ECT2L: variants seen among roughly 807,000 people sequenced by gnomAD.
The protein encoded by ECT2L is epithelial cell-transforming sequence 2 oncogene-like.
A neutral mutation model predicts 122.8 loss-of-function variants in ECT2L; 126 were observed. The ratio of observed to expected loss-of-function variants is 1.03; its 90% CI spans 0.89 to 1.19. ECT2L has a LOEUF of 1.19. Ranked by LOEUF, ECT2L falls within the 50% of genes most tolerant of loss-of-function variation. The pLI is 0.00. For synonymous variants in ECT2L, 385 were observed against 381.8 expected (o/e 1.01, Z -0.10); for missense variants, 1,012 against 1,064.1 (o/e 0.95, Z 0.68).
intron 4 of ECT2L, among the ~76,000 whole-genome samples, chr6:138,824,229 G>T (rs1776354538): frequency 6.6e-6 from 1 of 151,450 alleles, no homozygotes; most frequent in South Asian, 2.1e-4. Context: ...GGAAAACTGG[G>T]TGAAGGGTAC....
chr6:138,822,405 A>G (rs559313605), intron 4 of ECT2L, among the ~76,000 whole-genome samples: 5 of 152,228 alleles, frequency 3.3e-5, no homozygotes, highest in African/African-American at 1.2e-4. Context: ...AAATACAAAA[A>G]TTAGCTGGGT....
rs755695050 is a variant in ECT2L, at chr6:138,846,654, T to A, written c.880T>A (p.Ser294Thr). The A allele has an allele frequency of 1.9e-6, 3 of 1,605,762 alleles. No individual in the cohort carries two copies. The highest frequency in any genetic ancestry group is 2.2e-5 in the East Asian group (1 of 44,706). ...TCTCCGGCCACACTTCATGTTAATA[T>A]CATCCCGGATTCCTGCGTATGAGGT... Reference protein sequence around the residue: ...YALRPHFMLISSRIPAYEMVM... With the variant: ...YALRPHFMLITSRIPAYEMVM... Residue 294 changes from serine (S) to threonine (T), a missense_variant, in exon 8 of 22, where the codon TCA (serine) becomes ACA (threonine). Ser to Thr is a moderately conservative substitution (Grantham distance 58, BLOSUM62 1). Transcript: ENST00000541398.
chr6:138,854,330 G>T (rs1458174484), intron 10 of ECT2L, among the ~76,000 whole-genome samples, 176 bp downstream of exon 10: 3 of 152,184 alleles, frequency 2.0e-5, no homozygotes, highest in African/African-American at 7.2e-5. Flanking sequence ...GAGGGATAGT[G>T]ATGAAAGTAA....
At chr6:138,869,477 C>T (rs1410277151) in intron 13 of ECT2L, among the ~76,000 whole-genome samples, 2 of 152,182 alleles carry the variant, frequency 1.3e-5, no homozygotes, top group East Asian at 1.9e-4. Flanking sequence ...GTGGGGGCTG[C>T]GAAGCTGCAT....
intron 8 of ECT2L, among the ~76,000 whole-genome samples, chr6:138,848,315 A>C (rs976278051): frequency 6.6e-6 from 1 of 152,220 alleles, no homozygotes; most frequent in Non-Finnish European, 1.5e-5. Flanking sequence ...AACTTCTCTG[A>C]AATTCCCAAA....
chr6:138,814,634 T>C, intron 4 of ECT2L, 31 bp downstream of exon 4: 1 of 1,349,796 alleles, frequency 7.4e-7, no homozygotes, highest in South Asian at 1.2e-5. Context: ...TAATTAACAT[T>C]GATTCTTAAA....
intron 5 of ECT2L, among the ~76,000 whole-genome samples, chr6:138,842,211 C>T (rs1777062766): frequency 6.6e-6 from 1 of 152,184 alleles, no homozygotes. Flanking sequence ...GTAATCCCAG[C>T]ACTTTGGGAG....
rs1582636558 is a variant in ECT2L, at chr6:138,868,210, A to C, written c.1578+4A>C. On this transcript the variant is annotated splice_donor_region_variant and intron_variant, in intron 13 of 21. Coordinates refer to ENST00000541398, the MANE Select transcript of ECT2L (RefSeq NM_001077706.3). ...GGAGTTGTCAAAAGAAGATTCTGTA[A>C]GTGTTTCTTTGAAGAAAGTAAACTA... 6.2e-7 allele frequency: 1 copy of C among 1,606,214 alleles called. No individual in the cohort carries two copies. The highest frequency in any genetic ancestry group is 2.2e-5 in the East Asian group (1 of 44,818).
chr6:138,812,570 G>C (rs983672158), intron 1 of ECT2L, among the ~76,000 whole-genome samples: 7 of 152,186 alleles, frequency 4.6e-5, no homozygotes, highest in African/African-American at 1.7e-4. Context: ...TTGAGAGGCT[G>C]AGGCGGGCAG....
At chr6:138,810,565 GAA>G (rs773137795) in intron 1 of ECT2L, among the ~76,000 whole-genome samples, 5 of 152,208 alleles carry the variant, frequency 3.3e-5, no homozygotes, top group Non-Finnish European at 7.3e-5. Context: ...TATATTTTGA[GAA>G]GTTGACATTG....
At position 138,844,514 on chromosome 6, in the gene ECT2L, G is replaced by A. The variant is rs745540832; in HGVS notation, c.698G>A (p.Arg233Gln). 40 of 1,614,178 alleles carry A rather than the reference G, an allele frequency of 2.5e-5. No individual in the cohort carries two copies. Among genetic ancestry groups the A allele is most frequent in the East Asian group, 2.2e-4 (10 of 44,878 alleles). Residue 233 changes from arginine to glutamine, a missense_variant, in exon 7 of 22, where the codon CGA becomes CAA. By Grantham distance (43) the Arg-to-Gln change is conservative. Coordinates refer to ENST00000541398, the MANE Select transcript of ECT2L (RefSeq NM_001077706.3). ...QPRLSQTVRERVGLHEALEKQ... is the reference protein window; with the variant it reads ...QPRLSQTVREQVGLHEALEKQ... ...CGCCTCTCCCAGACTGTAAGGGAGCGAGTGGGATTACATGAAGCTTTGGAG... is the reference window on the plus strand; with the variant it reads ...CGCCTCTCCCAGACTGTAAGGGAGCAAGTGGGATTACATGAAGCTTTGGAG...
At chr6:138,834,772 A>G (rs928088693) in intron 4 of ECT2L, among the ~76,000 whole-genome samples, 13 of 152,098 alleles carry the variant, frequency 8.5e-5, no homozygotes, top group African/African-American at 3.1e-4. Context: ...GTTAATCTCT[A>G]AGGAAATGAC....
At chr6:138,809,896 T>C (rs1461309862) in intron 1 of ECT2L, among the ~76,000 whole-genome samples, 9 of 152,136 alleles carry the variant, frequency 5.9e-5, no homozygotes, top group Admixed American at 5.2e-4. Flanking sequence ...CATTCTATAT[T>C]ATGTGGCATT....
intron 5 of ECT2L, among the ~76,000 whole-genome samples, chr6:138,841,592 A>G (rs1237258720): frequency 6.6e-6 from 1 of 152,238 alleles, no homozygotes; most frequent in Non-Finnish European, 1.5e-5. Context: ...CCCTGTGAGA[A>G]TGCCTAAGAT....
intron 4 of ECT2L, among the ~76,000 whole-genome samples, chr6:138,827,918 G>A (rs750746561): frequency 2.7e-5 from 4 of 146,200 alleles, no homozygotes; most frequent in Non-Finnish European, 4.5e-5. Flanking sequence ...AATATTCCAG[G>A]ACATAACTTT....
chr6:138,810,745 A>T (rs1219649231), intron 1 of ECT2L, among the ~76,000 whole-genome samples: 5 of 152,086 alleles, frequency 3.3e-5, no homozygotes, highest in Non-Finnish European at 7.3e-5. Flanking sequence ...TCCTTGTTCC[A>T]CCATGATATA....
chr6:138,828,923 A>T (rs1776549959), intron 4 of ECT2L, among the ~76,000 whole-genome samples: 1 of 152,108 alleles, frequency 6.6e-6, no homozygotes, highest in Admixed American at 6.6e-5. Context: ...TCCTCAAGAT[A>T]ACTCTTGAGT....
chr6:138,871,631 C>T (rs948942219), intron 13 of ECT2L, among the ~76,000 whole-genome samples: 1 of 152,068 alleles, frequency 6.6e-6, no homozygotes, highest in Admixed American at 6.6e-5. Context: ...CATGGTGAGA[C>T]CCCGTCTCTA....
chr6:138,891,967 T>C (rs1164961382), intron 20 of ECT2L, among the ~76,000 whole-genome samples: 1 of 152,248 alleles, frequency 6.6e-6, no homozygotes, highest in Non-Finnish European at 1.5e-5. Context: ...CTGAGCTTCC[T>C]GGACCTATGG....
Sources: gnomAD v4.1 joint callset for allele counts (sites outside exome capture counted in the v4.1 genomes callset) on GRCh38, gnomAD v4.1.1 for gene constraint, MANE v1.5 for transcripts, NCBI Gene and HGNC (gene_info 2026-07-23, HGNC 2026-07-21) for gene names.